The following FAT1 variants were observed in gnomAD, a reference collection of about 807,000 sequenced individuals.
The protein encoded by FAT1 is protocadherin Fat 1.
In FAT1, 171 loss-of-function variants were observed where a neutral mutation model predicts 329.8. The observed-to-expected ratio is 0.52, with a 90% CI of 0.46 to 0.59. FAT1 has a LOEUF of 0.59. Ranked by LOEUF, FAT1 falls within the 20% of genes least tolerant of loss-of-function variation. FAT1 has a pLI of 0.00. For synonymous variants in FAT1, 2,233 were observed against 2,228.6 expected (o/e 1.00, Z -0.06); for missense variants, 5,672 against 5,774.4 (o/e 0.98, Z 0.57).
At chr4:186,673,111 T>C (rs1742807824) in intron 2 of FAT1, among the ~76,000 whole-genome samples, 1 of 152,224 alleles carries the variant, frequency 6.6e-6, no homozygotes, top group South Asian at 2.1e-4. Context: ...ATGCTACTGC[T>C]GTTCAGAAAA....
intron 2 of FAT1, among the ~76,000 whole-genome samples, chr4:186,700,996 G>C (rs327067): frequency 0.24 from 35,860 of 152,064 alleles, 5,412 homozygotes; most frequent in African/African-American, 0.43. Flanking sequence ...ATCACAGCAC[G>C]GTAAGCGTCA....
intron 26 of FAT1, 43 bp from the exon 27 acceptor site, chr4:186,589,263 G>T (rs2126358692): frequency 6.5e-7 from 1 of 1,545,270 alleles, no homozygotes. Flanking sequence ...TTTCTCCTAA[G>T]CTTTTGTGCC....
At chr4:186,594,315 C>T (rs577652684) in intron 26 of FAT1, among the ~76,000 whole-genome samples, 2 of 152,188 alleles carry the variant, frequency 1.3e-5, no homozygotes, top group Non-Finnish European at 2.9e-5. Context: ...CCCGCCTTCA[C>T]CTCCCAAAGT....
intron 3 of FAT1, among the ~76,000 whole-genome samples, chr4:186,642,821 T>A (rs938424159): frequency 6.6e-6 from 1 of 151,912 alleles, no homozygotes; most frequent in African/African-American, 2.4e-5. Flanking sequence ...ATAAAAACGG[T>A]AGAGAAAATA....
At chr4:186,692,323 A>AT (rs59626897) in intron 2 of FAT1, among the ~76,000 whole-genome samples, 3,619 of 151,754 alleles carry the variant, frequency 0.024, 100 homozygotes, top group East Asian at 0.09. Context: ...TTATTTATTT[A>AT]TTTTTTTGAG....
chr4:186,625,176 C>A (rs1560947078), intron 9 of FAT1, among the ~76,000 whole-genome samples: 1 of 152,196 alleles, frequency 6.6e-6, no homozygotes, highest in Non-Finnish European at 1.5e-5. Flanking sequence ...GGAAGTTTAA[C>A]ATTTTCTCCT....
At chr4:186,649,834 CA>C (rs1741551670) in intron 3 of FAT1, among the ~76,000 whole-genome samples, 1 of 152,006 alleles carries the variant, frequency 6.6e-6, no homozygotes, top group Non-Finnish European at 1.5e-5. Flanking sequence ...ACTGATATAC[CA>C]AAAACTACAT....
chr4:186,613,015 T>C, intron 13 of FAT1, 94 bp downstream of exon 13: 1 of 733,208 alleles, frequency 1.4e-6, no homozygotes, highest in Non-Finnish European at 2.3e-6. Flanking sequence ...TGAGGTGGAG[T>C]GAGTGGCACA....
chr4:186,660,103 C>T (rs1197830169), intron 3 of FAT1, among the ~76,000 whole-genome samples: 1 of 152,188 alleles, frequency 6.6e-6, no homozygotes, highest in Non-Finnish European at 1.5e-5. Context: ...TTTCCTTGCT[C>T]AGCCGTTAAT....
At chr4:186,590,713 C>T (rs1411629136) in intron 26 of FAT1, 3 of 454,740 alleles carry the variant, frequency 6.6e-6, no homozygotes, top group Non-Finnish European at 8.8e-6. Flanking sequence ...CACAGAATTT[C>T]CTTAGGAATA....
intron 2 of FAT1, among the ~76,000 whole-genome samples, chr4:186,705,680 A>AT (rs1428889979): frequency 6.6e-6 from 1 of 152,244 alleles, no homozygotes; most frequent in Non-Finnish European, 1.5e-5. Context: ...ACACTCCACC[A>AT]GGACATATTG....
chr4:186,653,105 G>A (rs1220571222), intron 3 of FAT1, among the ~76,000 whole-genome samples: 3 of 152,154 alleles, frequency 2.0e-5, no homozygotes, highest in African/African-American at 2.4e-5. Flanking sequence ...AGTATAACAT[G>A]TCGACACAGA....
chr4:186,595,455 A>G (rs1738454014), intron 26 of FAT1, among the ~76,000 whole-genome samples: 2 of 152,216 alleles, frequency 1.3e-5, no homozygotes, highest in South Asian at 4.1e-4. Context: ...AGATCCTTCA[A>G]TGAATATGTT....
chr4:186,626,573 AGAAT>A (rs1560948024), intron 9 of FAT1, among the ~76,000 whole-genome samples: 2 of 141,128 alleles, frequency 1.4e-5, no homozygotes, highest in African/African-American at 5.3e-5. Flanking sequence ...ACCAGCCCAC[AGAAT>A]GAATGCATGA....
intron 9 of FAT1, among the ~76,000 whole-genome samples, chr4:186,625,382 A>G (rs1235532165): frequency 6.6e-6 from 1 of 152,242 alleles, no homozygotes; most frequent in Non-Finnish European, 1.5e-5. Flanking sequence ...ATTTGTGACT[A>G]ATGAACTCGA....
chr4:186,594,202 A>G (rs1333812452), intron 26 of FAT1, among the ~76,000 whole-genome samples: 4 of 151,926 alleles, frequency 2.6e-5, no homozygotes, highest in Admixed American at 2.6e-4. Context: ...AGTAGCTGGG[A>G]GTACAGGTGC....
At chr4:186,690,924 T>C (rs1371188401) in intron 2 of FAT1, among the ~76,000 whole-genome samples, 4 of 152,212 alleles carry the variant, frequency 2.6e-5, no homozygotes, top group Admixed American at 6.5e-5. Flanking sequence ...TTTTGATATG[T>C]TGGACTAAAT....
intron 3 of FAT1, among the ~76,000 whole-genome samples, chr4:186,648,926 T>C (rs1364501239): frequency 1.3e-5 from 2 of 152,186 alleles, no homozygotes; most frequent in Admixed American, 6.5e-5. Flanking sequence ...TTTTTAACAG[T>C]TTTGTTTTCA....
chr4:186,672,258 T>C (rs997602622), intron 2 of FAT1, among the ~76,000 whole-genome samples: 5 of 152,230 alleles, frequency 3.3e-5, no homozygotes, highest in Non-Finnish European at 7.3e-5. Context: ...ATATTTTATG[T>C]TTTTGATAAT....
Sources: gnomAD v4.1 joint callset for allele counts (sites outside exome capture counted in the v4.1 genomes callset) on GRCh38, gnomAD v4.1.1 for gene constraint, MANE v1.5 for transcripts, NCBI Gene and HGNC (gene_info 2026-07-23, HGNC 2026-07-21) for gene names.